MAGI3: variants seen among roughly 807,000 people sequenced by gnomAD.
MAGI3 encodes the protein membrane-associated guanylate kinase, WW and PDZ domain-containing protein 3.
A neutral mutation model predicts 121.8 loss-of-function variants in MAGI3; 43 were observed. The ratio of observed to expected loss-of-function variants is 0.35; its 90% CI spans 0.28 to 0.46. MAGI3 has a LOEUF of 0.46. Ranked by LOEUF, MAGI3 falls within the 20% of genes least tolerant of loss-of-function variation. MAGI3 has a pLI of 1.00. For synonymous variants in MAGI3, 553 were observed against 639.3 expected (o/e 0.86, Z 2.04); for missense variants, 1,547 against 1,797.3 (o/e 0.86, Z 2.52).
intron 1 of MAGI3, among the ~76,000 whole-genome samples, chr1:113,437,842 CTTCTTCTTCTTCTTCTTCTTCCTCTT>C (rs1557756907): frequency 2.9e-3 from 166 of 57,058 alleles, no homozygotes; most frequent in African/African-American, 0.012. Context: ...TCTTCTTCTT[CTTCTTCTTCTTCTTCTTCTTCCTCTT>C]CTTCTTCTTC....
intron 16 of MAGI3, among the ~76,000 whole-genome samples, chr1:113,667,890 A>G (rs1647262440): frequency 1.3e-5 from 2 of 152,326 alleles, no homozygotes; most frequent in African/African-American, 4.8e-5. Flanking sequence ...AGATGGGGAA[A>G]GGCTAGTTGA....
At chr1:113,643,585 T>A (rs1652668512) in intron 10 of MAGI3, among the ~76,000 whole-genome samples, 158 bp from the exon 11 acceptor site, 2 of 152,090 alleles carry the variant, frequency 1.3e-5, no homozygotes, top group South Asian at 4.1e-4. Flanking sequence ...AAAAATGAAA[T>A]GAGATAATAT....
intron 2 of MAGI3, among the ~76,000 whole-genome samples, chr1:113,568,759 C>G (rs1660534963): frequency 6.6e-6 from 1 of 152,008 alleles, no homozygotes. Flanking sequence ...TAGACTGGTA[C>G]TTCTCACCAG....
At chr1:113,466,557 G>A (rs533943480) in intron 1 of MAGI3, among the ~76,000 whole-genome samples, 1 of 152,060 alleles carries the variant, frequency 6.6e-6, no homozygotes, top group Admixed American at 6.5e-5. Flanking sequence ...ATTGATATTT[G>A]TTTGTCCTTA....
At chr1:113,655,976 C>A (rs1447723186) in intron 15 of MAGI3, among the ~76,000 whole-genome samples, 2 of 152,200 alleles carry the variant, frequency 1.3e-5, no homozygotes, top group East Asian at 3.9e-4. Flanking sequence ...TTTAAAAGTT[C>A]ATCAATACTT....
intron 1 of MAGI3, among the ~76,000 whole-genome samples, chr1:113,412,633 G>A (rs1036147411): frequency 6.6e-6 from 1 of 152,120 alleles, no homozygotes; most frequent in Non-Finnish European, 1.5e-5. Context: ...GTGATGATGA[G>A]CATTTTTTCA....
intron 2 of MAGI3, among the ~76,000 whole-genome samples, chr1:113,554,102 C>T (rs1659891834): frequency 6.6e-6 from 1 of 152,088 alleles, no homozygotes; most frequent in Non-Finnish European, 1.5e-5. Context: ...AATTACTAGA[C>T]CTGCAAAAAG....
intron 9 of MAGI3, among the ~76,000 whole-genome samples, chr1:113,640,927 A>AAAC (rs1652422993): frequency 1.3e-5 from 1 of 76,232 alleles, no homozygotes; most frequent in Non-Finnish European, 2.6e-5. Flanking sequence ...GATATATTTT[A>AAAC]TATATCATAT....
intron 9 of MAGI3, among the ~76,000 whole-genome samples, chr1:113,625,103 A>G (rs1466644051): frequency 6.6e-6 from 1 of 152,138 alleles, no homozygotes; most frequent in African/African-American, 2.4e-5. Context: ...ATAGCTCTGT[A>G]GTATAATTTG....
intron 17 of MAGI3, 121 bp from the exon 18 acceptor site, chr1:113,672,494 T>C (rs2101022321): frequency 1.9e-6 from 2 of 1,042,194 alleles, no homozygotes; most frequent in South Asian, 1.7e-5. Flanking sequence ...TCTGTCTTCA[T>C]AGTGGTTTGT....
At chr1:113,474,480 A>G (rs1261646183) in intron 1 of MAGI3, among the ~76,000 whole-genome samples, 5 of 152,164 alleles carry the variant, frequency 3.3e-5, no homozygotes, top group African/African-American at 1.2e-4. Flanking sequence ...CTTTCTGTAT[A>G]TGGCTAGCCA....
chr1:113,490,165 G>A (rs138339859), intron 1 of MAGI3, among the ~76,000 whole-genome samples: 252 of 152,264 alleles, frequency 1.7e-3, no homozygotes, highest in Non-Finnish European at 3.0e-3. Flanking sequence ...ACCTACAAAG[G>A]GAAGCCCATC....
chr1:113,546,221 T>C (rs1218002051), intron 1 of MAGI3, among the ~76,000 whole-genome samples: 1 of 152,250 alleles, frequency 6.6e-6, no homozygotes, highest in Non-Finnish European at 1.5e-5. Context: ...ATAGTTAACT[T>C]ATTAAACTTT....
chr1:113,391,081 G>C lies in MAGI3; in HGVS notation c.48G>C (p.Gln16His). 1 of 1,590,918 alleles carries C rather than the reference G, an allele frequency of 6.3e-7. No individual in the cohort carries two copies. Among genetic ancestry groups the C allele is most frequent in the South Asian group, 1.1e-5 (1 of 87,556 alleles). The change falls in exon 1 of 21, where the codon CAG (glutamine) becomes CAC (histidine). Residue 16 changes from glutamine (Q) to histidine (H), a missense_variant. By Grantham distance (24) the Gln-to-His change is conservative. Transcript: ENST00000307546. This position sits in a 1 kb window ranked among gnomAD's most constrained non-coding sequence, Gnocchi z 4.4. The part of the protein sequence containing the change: ...KKKKHWLSKV[Q>H]ECAVSWAGPP... ...AGAAGCACTGGCTCAGCAAGGTGCA[G>C]GAGTGCGCCGTGTCCTGGGCCGGGC...
intron 1 of MAGI3, among the ~76,000 whole-genome samples, chr1:113,503,681 A>G (rs576243504): frequency 5.1e-4 from 57 of 111,874 alleles, no homozygotes; most frequent in African/African-American, 1.3e-3. Flanking sequence ...AGGAGGAAGG[A>G]AATGAATAAT....
intron 14 of MAGI3, among the ~76,000 whole-genome samples, chr1:113,653,597 T>A (rs1400502556): frequency 2.0e-5 from 3 of 151,626 alleles, no homozygotes; most frequent in Admixed American, 2.0e-4. Context: ...TGAGATAACA[T>A]GAGATTGTAT....
At chr1:113,529,970 A>G (rs2101638485) in intron 1 of MAGI3, among the ~76,000 whole-genome samples, 1 of 152,148 alleles carries the variant, frequency 6.6e-6, no homozygotes, top group Admixed American at 6.5e-5. Flanking sequence ...CTTTTTCTGG[A>G]AAATGCAGAG....
Position 113,554,537 on chromosome 1 carries a change from G to C in MAGI3, c.433+4906G>C, listed in dbSNP as rs149246604. On this transcript the variant is annotated intron_variant, in intron 2 of 20. Coordinates refer to ENST00000307546, the MANE Select transcript of MAGI3 (RefSeq NM_001142782.2). ...AGTACCAGTACCATAACTAGTACTA[G>C]ATTTACCCTTTTGTAATAAAGAACT... 1.2e-3 allele frequency among the ~76,000 whole-genome samples: 183 copies of C among 151,834 alleles called. 1 individual carries two copies. Among genetic ancestry groups the C allele is most frequent in the African/African-American group, 4.1e-3 (168 of 41,408 alleles).
chr1:113,638,005 C>A (rs1652158169), intron 9 of MAGI3, among the ~76,000 whole-genome samples: 1 of 152,218 alleles, frequency 6.6e-6, no homozygotes, highest in African/African-American at 2.4e-5. Context: ...GATACCCTTT[C>A]TTTCAGTTGA....
Sources: gnomAD v4.1 joint callset for allele counts (sites outside exome capture counted in the v4.1 genomes callset) on GRCh38, gnomAD v4.1.1 for gene constraint, Gnocchi (gnomAD v3.1) non-coding constraint, MANE v1.5 for transcripts, NCBI Gene and HGNC (gene_info 2026-07-23, HGNC 2026-07-21) for gene names.